Variants in BCCIP observed in about 807,000 individuals in gnomAD.
The protein encoded by BCCIP is BRCA2 and CDKN1A interacting protein.
A neutral mutation model predicts 32.8 loss-of-function variants in BCCIP; 23 were observed. The observed-to-expected ratio is 0.70, with a 90% confidence interval of 0.51 to 0.99. The LOEUF (loss-of-function observed/expected upper bound fraction) is 0.99. Ranked by LOEUF, BCCIP falls within the 50% of genes least tolerant of loss-of-function variation. BCCIP has a pLI of 0.00. For synonymous variants in BCCIP, 144 were observed against 137.6 expected (o/e 1.05, Z -0.33); for missense variants, 378 against 379.8 (o/e 1.00, Z 0.04).
At chr10:125,849,690 G>C (rs546842282) in intron 7 of BCCIP, among the ~76,000 whole-genome samples, 2 of 152,184 alleles carry the variant, frequency 1.3e-5, no homozygotes, top group Non-Finnish European at 2.9e-5. Flanking sequence ...TGTGAGGGCC[G>C]TTGGCAGCCT....
downstream of BCCIP, among the ~76,000 whole-genome samples, chr10:125,846,687 T>G (rs1944025267): frequency 6.6e-6 from 1 of 152,226 alleles, no homozygotes; most frequent in Non-Finnish European, 1.5e-5. Context: ...TTCACTTCCA[T>G]ACTTATAGGA....
At chr10:125,833,696 G>A in intron 5 of BCCIP, 76 bp from the exon 6 acceptor site, 1 of 1,529,592 alleles carries the variant, frequency 6.5e-7, no homozygotes, top group South Asian at 1.2e-5. Flanking sequence ...GCCTCACCGG[G>A]TTTTCTGTGC....
At chr10:125,831,326 AGCTG>A (rs1854516007) in intron 4 of BCCIP, 90 bp from the exon 5 acceptor site, 5 of 1,263,390 alleles carry the variant, frequency 4.0e-6, no homozygotes, top group Non-Finnish European at 5.6e-6. Flanking sequence ...AACTGCCCTT[AGCTG>A]TAAGATGAAA....
intron 6 of BCCIP, among the ~76,000 whole-genome samples, chr10:125,835,403 C>T (rs1462919322): frequency 3.9e-5 from 6 of 152,024 alleles, no homozygotes; most frequent in Admixed American, 6.5e-5. Context: ...CACGATGAAA[C>T]GCTGTCTTTA....
rs765061155 is a variant in BCCIP, at chr10:125,836,099, T to G, written c.775-5T>G. 42 of 1,608,146 alleles carry G rather than the reference T, an allele frequency of 2.6e-5. No homozygotes were observed. Among genetic ancestry groups the G allele is most frequent in the Non-Finnish European group, 3.3e-5 (39 of 1,175,366 alleles). On this transcript the variant is annotated splice_region_variant and splice_polypyrimidine_tract_variant and intron_variant, in intron 6 of 6. Coordinates refer to ENST00000278100, the MANE Select transcript of BCCIP (RefSeq NM_078468.3). The stretch of plus-strand genomic sequence containing the variant: ...TTTTAATTCATGGTTACTTATTTGG[T>G]TTAGAAGGCAATTCTCAAGTTCAAC...
downstream of BCCIP, chr10:125,838,417 T>C (rs773415974): frequency 2.6e-6 from 4 of 1,533,794 alleles, no homozygotes; most frequent in South Asian, 5.2e-5. Flanking sequence ...AGAAAAAAGA[T>C]TTTGTATTAA....
At chr10:125,841,547 TAA>T, downstream of BCCIP, 1 of 1,430,124 alleles carries the variant, frequency 7.0e-7, no homozygotes. Context: ...TTAGTTTTCT[TAA>T]GATAATTTTT....
downstream of BCCIP, chr10:125,838,070 A>G (rs1854753423): frequency 1.3e-6 from 1 of 751,216 alleles, no homozygotes; most frequent in Non-Finnish European, 2.1e-6. Context: ...GCCTGCCCTT[A>G]GTAGGTACTG....
At chr10:125,841,425 T>G, downstream of BCCIP, 1 of 1,582,478 alleles carries the variant, frequency 6.3e-7, no homozygotes, top group East Asian at 2.3e-5. Context: ...ACAACATTAT[T>G]TGGGGAAAAA....
chr10:125,846,598 G>A (rs937376167), downstream of BCCIP, among the ~76,000 whole-genome samples: 1 of 152,190 alleles, frequency 6.6e-6, no homozygotes, highest in Non-Finnish European at 1.5e-5. Flanking sequence ...ATATGGAGAT[G>A]CACACGTAAA....
chr10:125,851,920 C>CAAAAAAA (rs56380138), intron 7 of BCCIP, among the ~76,000 whole-genome samples: 5 of 86,786 alleles, frequency 5.8e-5, no homozygotes, highest in African/African-American at 9.0e-5. Flanking sequence ...GACCCTGTCT[C>CAAAAAAA]AAAAAAAAAA....
exon 7 of BCCIP, chr10:125,842,130 G>C: frequency 1.4e-6 from 1 of 713,946 alleles, no homozygotes; most frequent in Non-Finnish European, 2.1e-6. Flanking sequence ...GGAGCCCTGT[G>C]ATTGTCCAGC....
At chr10:125,846,701 G>T (rs575908463), downstream of BCCIP, among the ~76,000 whole-genome samples, 46 of 152,296 alleles carry the variant, frequency 3.0e-4, no homozygotes, top group South Asian at 4.1e-4. Flanking sequence ...TATAGGACAG[G>T]ATTTTGTGCC....
chr10:125,833,809 T>C lies in BCCIP; in HGVS notation c.637T>C (p.Cys213Arg). ...LAGAHRTNKP[C>R]GKCYFYLLIS... ...GGGGGCACACAGAACCAATAAGCCA[T>C]GTGGGAAGTGCTACTTTTACCTTCT... Residue 213 changes from cysteine to arginine, a missense_variant, in exon 6 of 7, where the codon TGT becomes CGT. Coordinates refer to ENST00000278100, the MANE Select transcript of BCCIP (RefSeq NM_078468.3). The C allele has an allele frequency of 6.2e-7, 1 of 1,614,176 alleles. No homozygotes were observed. Among genetic ancestry groups the C allele is most frequent in the Non-Finnish European group, 8.5e-7 (1 of 1,180,038 alleles).
In BCCIP at chr10:125,834,825, C is replaced by CA. The variant is rs1439205869; in HGVS notation, c.774+882dup. Among the ~76,000 whole-genome samples the CA allele has an allele frequency of 8.3e-4, 63 of 75,718 alleles. No homozygotes were observed. The Admixed American group carries it at 9.7e-3, about 12-fold the overall frequency. The allele number at this position is 75,718 out of a possible 152,430, so 49.7% of individuals were successfully genotyped here. On this transcript the variant is annotated intron_variant, in intron 6 of 6. Coordinates refer to ENST00000278100, the MANE Select transcript of BCCIP (RefSeq NM_078468.3). ...AAACTCCGTCTCAAAAACAAACAAA[C>CA]AAACAAAAAACACAAAAACATCTTG...
At chr10:125,852,185 T>G in intron 7 of BCCIP, 1 of 1,374,114 alleles carries the variant, frequency 7.3e-7, no homozygotes, top group Non-Finnish European at 9.8e-7. Context: ...CAACGCCCCC[T>G]CCATGCTTGT....
chr10:125,829,595 T>C (rs777226800), intron 3 of BCCIP, among the ~76,000 whole-genome samples: 6 of 152,202 alleles, frequency 3.9e-5, no homozygotes, highest in Non-Finnish European at 8.8e-5. Context: ...CTAAATACAG[T>C]GTACACTTTT....
intron 3 of BCCIP, among the ~76,000 whole-genome samples, chr10:125,829,295 T>G (rs1445622008): frequency 1.3e-5 from 2 of 152,206 alleles, no homozygotes; most frequent in Non-Finnish European, 2.9e-5. Flanking sequence ...TAAAACAGTG[T>G]CTGGCAGCTG....
chr10:125,838,533 T>C (rs1207726517), downstream of BCCIP: 11 of 808,918 alleles, frequency 1.4e-5, no homozygotes. Flanking sequence ...CTTTCACATG[T>C]AGAAAATAAG....
Sources: gnomAD v4.1 joint callset for allele counts (sites outside exome capture counted in the v4.1 genomes callset) on GRCh38, gnomAD v4.1.1 for gene constraint, MANE v1.5 for transcripts, NCBI Gene and HGNC (gene_info 2026-07-23, HGNC 2026-07-21) for gene names.